Variants in GSTZ1 observed in about 807,000 individuals in gnomAD.
GSTZ1 encodes the protein maleylacetoacetate isomerase.
GSTZ1 carries 34 observed loss-of-function variants against 35.9 expected under a neutral mutation model. That is an observed-to-expected ratio of 0.95 (90% CI 0.72 to 1.26). GSTZ1 has a LOEUF of 1.26. Ranked by LOEUF, GSTZ1 falls within the 50% of genes most tolerant of loss-of-function variation. GSTZ1 has a pLI of 0.00. For synonymous variants in GSTZ1, 93 were observed against 101.2 expected (o/e 0.92, Z 0.49); for missense variants, 263 against 271.7 (o/e 0.97, Z 0.23).
Position 77,326,890 on chromosome 14 carries a change from G to C in GSTZ1, c.120G>C (p.Lys40Asn). 6.2e-7 allele frequency: 1 copy of C among 1,604,982 alleles called. No homozygotes were observed. The highest frequency in any genetic ancestry group is 8.5e-7 in the Non-Finnish European group (1 of 1,174,612). ...AGACGGTGCCCATCAATCTCATAAAGGATGGGGGCCAACAGGTAAGAAGGC... is the reference window on the plus strand; with the variant it reads ...AGACGGTGCCCATCAATCTCATAAACGATGGGGGCCAACAGGTAAGAAGGC... ...DYETVPINLI[K>N]DGGQQFSKDF... is the part of the protein sequence containing the mutation. Residue 40 changes from lysine to asparagine, a missense_variant, in exon 3 of 9, where the codon AAG (lysine) becomes AAC (asparagine). By Grantham distance (94) the Lys-to-Asn change is moderately conservative. Coordinates refer to ENST00000216465, the MANE Select transcript of GSTZ1 (RefSeq NM_145870.3).
Position 77,329,767 on chromosome 14 carries a change from TC to T in GSTZ1, c.436del (p.Leu146TyrfsTer10). The part of the protein sequence containing the change: ...ITCGFNALEQ[I>X]LQSTAGIYCV... ...GGCCTCCCCACAGCCCTGGAGCAGA[TC>T]CTACAGAGCACAGCGGGCATATACT... On this transcript the variant is annotated frameshift_variant, in exon 7 of 9. Transcript: ENST00000216465. LOFTEE classifies it high-confidence loss of function. The T allele has an allele frequency of 6.2e-7, 1 of 1,613,772 alleles. No individual in the cohort carries two copies. The highest frequency in any genetic ancestry group is 8.5e-7 in the Non-Finnish European group (1 of 1,179,662).
intron 5 of GSTZ1, 185 bp downstream of exon 5, chr14:77,328,222 G>A (rs916117877): frequency 1.7e-5 from 11 of 642,768 alleles, no homozygotes; most frequent in East Asian, 2.9e-5. Flanking sequence ...GCCCCCCAGC[G>A]GGTCCCCCGC....
chr14:77,331,173 C>A lies in GSTZ1; in HGVS notation c.629C>A (p.Thr210Lys). 6.2e-7 allele frequency: 1 copy of A among 1,614,000 alleles called. No homozygotes were observed. The highest frequency in any genetic ancestry group is 1.7e-5 in the Admixed American group (1 of 60,030). The change falls in exon 9 of 9, where the codon ACA becomes AAA. Residue 210 changes from threonine (T) to lysine (K), a missense_variant. Transcript: ENST00000216465. ...TCTCACCCCTGCCGGCAGCCAGATA[C>A]ACCCACTGAGCTGAGGGCCTAGCTC... ...QVSHPCRQPD[T>K]PTELRA
chr14:77,329,745 C>T lies in GSTZ1; in HGVS notation c.422-10C>T. 1 of 1,611,094 alleles carries T rather than the reference C, an allele frequency of 6.2e-7. No individual in the cohort carries two copies. Among genetic ancestry groups the T allele is most frequent in the Non-Finnish European group, 8.5e-7 (1 of 1,177,258 alleles). ...GCCCAGAATAAGATGTTTATGTGGC[C>T]TCCCCACAGCCCTGGAGCAGATCCT... On this transcript the variant is annotated splice_polypyrimidine_tract_variant and intron_variant, in intron 6 of 8. Coordinates refer to ENST00000216465, the MANE Select transcript of GSTZ1 (RefSeq NM_145870.3).
chr14:77,331,477 T>C lies in GSTZ1; in HGVS notation c.*282T>C. On this transcript the variant is annotated 3_prime_UTR_variant, in exon 9 of 9. Coordinates refer to ENST00000216465, the MANE Select transcript of GSTZ1 (RefSeq NM_145870.3). ...AGAATGCGGATTAAAATGCCTGGCG[T>C]GCTCACCGTAACACCACGGGGAAGG... 1 of 383,760 alleles carries C rather than the reference T, an allele frequency of 2.6e-6. No individual in the cohort carries two copies. Among genetic ancestry groups the C allele is most frequent in the Non-Finnish European group, 4.8e-6 (1 of 208,772 alleles). The allele number at this position is 383,760 out of a possible 1,614,324, so 23.8% of individuals were successfully genotyped here. A position where few individuals can be genotyped will look rare whatever the true frequency, so the allele number is the denominator to read the frequency against.
At chr14:77,321,882 CAA>C (rs541516245) in intron 1 of GSTZ1, among the ~76,000 whole-genome samples, 29 of 68,084 alleles carry the variant, frequency 4.3e-4, no homozygotes, top group Non-Finnish European at 5.7e-4. Flanking sequence ...GACTCCGGCT[CAA>C]AAAAAAAAAA....
chr14:77,321,456 C>T lies in GSTZ1; in HGVS notation c.15+273C>T, dbSNP rs780129233. ...TCGCGCTTCACTTCTGCTCCGCCCT[C>T]CCTGCTCCCCATAACAGACCCCTCC... is the stretch of plus-strand genomic sequence containing the variant. On this transcript the variant is annotated intron_variant, in intron 1 of 8. Coordinates refer to ENST00000216465, the MANE Select transcript of GSTZ1 (RefSeq NM_145870.3). 4.0e-6 allele frequency: 6 copies of T among 1,514,900 alleles called. No homozygotes were observed. In the African/African-American group the frequency reaches 5.5e-5, roughly 14 times the overall value. The allele number at this position is 1,514,900 out of a possible 1,614,324, so 93.8% of individuals were successfully genotyped here. A position where few individuals can be genotyped will look rare whatever the true frequency, so the allele number is the denominator to read the frequency against.
In GSTZ1 at chr14:77,321,151, G is replaced by A; in HGVS notation, c.-18G>A. 1 of 1,454,576 alleles carries A rather than the reference G, an allele frequency of 6.9e-7. No homozygotes were observed. The highest frequency in any genetic ancestry group is 9.1e-7 in the Non-Finnish European group (1 of 1,097,316). The allele number at this position is 1,454,576 out of a possible 1,614,324, so 90.1% of individuals were successfully genotyped here. On this transcript the variant is annotated 5_prime_UTR_variant, in exon 1 of 9. Transcript: ENST00000216465. ...CGAAGTTTCTCGGCCTGGAGGAGGG[G>A]GTCGCGCGAAGTGCCAGATGCAGGC...
chr14:77,321,467 A>T, intron 1 of GSTZ1: 2 of 1,504,294 alleles, frequency 1.3e-6, no homozygotes, highest in Non-Finnish European at 1.8e-6. Flanking sequence ...CCTGCTCCCC[A>T]TAACAGACCC....
chr14:77,321,238 G>T (rs1891925638), intron 1 of GSTZ1, 55 bp downstream of exon 1: 1 of 1,535,240 alleles, frequency 6.5e-7, no homozygotes, highest in African/African-American at 1.4e-5. Flanking sequence ...GGAGACCCTG[G>T]GGGGCGGGGT....
intron 1 of GSTZ1, 59 bp from the exon 2 acceptor site, chr14:77,324,811 C>A: frequency 6.5e-7 from 1 of 1,532,822 alleles, no homozygotes; most frequent in Non-Finnish European, 9.0e-7. Context: ...GTTGACTCCT[C>A]CCAAGCTGGA....
In GSTZ1 at chr14:77,328,042, G is replaced by A; in HGVS notation, c.342+5G>A. ...GGTGGCATCCAGCCCCTGCAGGTGT[G>A]GCACTTGTACACTTGCACCCTTGCA... On this transcript the variant is annotated splice_donor_5th_base_variant and intron_variant, in intron 5 of 8. Transcript: ENST00000216465. 6.2e-7 allele frequency: 1 copy of A among 1,613,454 alleles called. No individual in the cohort carries two copies.
At position 77,321,110 on chromosome 14, in the gene GSTZ1, C is replaced by T; in HGVS notation, c.-59C>T. On this transcript the variant is annotated 5_prime_UTR_variant, in exon 1 of 9. Coordinates refer to ENST00000216465, the MANE Select transcript of GSTZ1 (RefSeq NM_145870.3). ...TCGAGTCTCACTGAGCCTTAGTCGT[C>T]GGCAGGTCCCAGGCGCGAAGTTTCT... 14 of 1,434,280 alleles carry T rather than the reference C, an allele frequency of 9.8e-6. No homozygotes were observed. The highest frequency in any genetic ancestry group is 1.2e-5 in the Non-Finnish European group (13 of 1,085,672). 88.8% of individuals were successfully genotyped at this position (1,434,280 alleles called of 1,614,324 possible). A position where few individuals can be genotyped will look rare whatever the true frequency, so the allele number is the denominator to read the frequency against.
chr14:77,323,102 A>G (rs761373977), intron 1 of GSTZ1: 1 of 152,110 alleles, frequency 6.6e-6, no homozygotes, highest in Non-Finnish European at 1.5e-5. Context: ...AGCCCCTTAA[A>G]CCTTGGAGTA....
intron 4 of GSTZ1, 40 bp from the exon 5 acceptor site, chr14:77,327,872 C>T (rs753839915): frequency 6.2e-7 from 1 of 1,610,094 alleles, no homozygotes; most frequent in South Asian, 1.1e-5. Context: ...GTCCAGGGGT[C>T]CTGGGCCCTC....
intron 6 of GSTZ1, chr14:77,329,535 C>G (rs2139580872): frequency 1.7e-6 from 1 of 598,392 alleles, no homozygotes; most frequent in Middle Eastern, 4.3e-4. Context: ...GGCTTGTCCA[C>G]TCGAGTGGGG....
chr14:77,322,481 C>A, intron 1 of GSTZ1: 1 of 439,836 alleles, frequency 2.3e-6, no homozygotes, highest in Non-Finnish European at 3.0e-6. Context: ...AATCCAAAGG[C>A]ATTTAGCCAT....
intron 1 of GSTZ1, chr14:77,322,576 C>A (rs1892078005): frequency 2.0e-6 from 2 of 983,524 alleles, no homozygotes; most frequent in Admixed American, 1.2e-4. Context: ...TCCCTTGGCA[C>A]CAGGAGTCCC....
At chr14:77,324,152 C>CTTTT (rs11287763) in intron 1 of GSTZ1, 8 of 117,992 alleles carry the variant, frequency 6.8e-5, no homozygotes, top group African/African-American at 1.0e-4. Flanking sequence ...AAAAAAATGC[C>CTTTT]TTTTTTTTTT....
Sources: allele counts gnomAD v4.1 joint callset (sites outside exome capture counted in the v4.1 genomes callset), GRCh38; gene constraint gnomAD v4.1.1; transcripts MANE v1.5; gene names NCBI Gene and HGNC (gene_info 2026-07-23, HGNC 2026-07-21).